RFX7: variants seen among roughly 807,000 people sequenced by gnomAD.
RFX7 encodes DNA-binding protein RFX7.
In RFX7, 26 loss-of-function variants were observed where a neutral mutation model predicts 111.8. The observed-to-expected ratio is 0.23, with a 90% CI of 0.17 to 0.32. The LOEUF (loss-of-function observed/expected upper bound fraction) is 0.32, where lower values mean the gene tolerates loss of function less well. Ranked by LOEUF, RFX7 falls within the 10% of genes least tolerant of loss-of-function variation. The pLI, the probability that RFX7 is intolerant of heterozygous loss-of-function variation, is 1.00. For missense variants in RFX7, 1,573 were observed against 1,772.9 expected (o/e 0.89, Z 2.02); for synonymous variants, 624 against 624.4 (o/e 1.00, Z 0.01).
chr15:56,094,524 C>T lies in RFX7; in HGVS notation c.3204G>A (p.Gly1068=), dbSNP rs772102236. Residue 1068 remains glycine (G), a synonymous_variant, in exon 10 of 10, where the codon GGG becomes GGA. Coordinates refer to ENST00000559447, the MANE Select transcript of RFX7 (RefSeq NM_022841.7). ...CTGATGAATTACCAACCCCACTATA[C>T]CCATTATTCATCCATTCAAGCTTGG... The part of the protein sequence containing the change: ...DKTKLEWMNN[G]YSGVGNSSVS... 1.9e-6 allele frequency: 3 copies of T among 1,613,788 alleles called. No homozygotes were observed. The highest frequency in any genetic ancestry group is 2.5e-6 in the Non-Finnish European group (3 of 1,179,856).
rs1239128942 is a variant in RFX7, at chr15:56,096,640, A to T, written c.1108-20T>A. The stretch of plus-strand genomic sequence containing the variant: ...CTGGACCTGTTAAAAGATAGCAAAA[A>T]ATCAGATTTAACAGGTCTAGCCTGT... On this transcript the variant is annotated intron_variant, in intron 9 of 9. Transcript: ENST00000559447. The T allele has an allele frequency of 5.2e-6, 8 of 1,543,272 alleles. No individual in the cohort carries two copies. The highest frequency in any genetic ancestry group is 6.1e-6 in the Non-Finnish European group (7 of 1,140,788).
chr15:56,136,600 C>G (rs2042306347), intron 5 of RFX7, among the ~76,000 whole-genome samples: 1 of 151,474 alleles, frequency 6.6e-6, no homozygotes, highest in African/African-American at 2.4e-5. Flanking sequence ...TAATTGAATA[C>G]CCTTTATTTC....
At chr15:56,222,564 G>A (rs953621546) in intron 2 of RFX7, among the ~76,000 whole-genome samples, 8 of 151,976 alleles carry the variant, frequency 5.3e-5, no homozygotes, top group Non-Finnish European at 1.2e-4. Flanking sequence ...GTTAACTTCA[G>A]TGAAGTTTTC....
At chr15:56,141,940 G>A (rs1228297612) in intron 5 of RFX7, among the ~76,000 whole-genome samples, 2 of 151,884 alleles carry the variant, frequency 1.3e-5, no homozygotes, top group African/African-American at 4.8e-5. Context: ...TGGTGAGGTA[G>A]TAAGAACTGT....
intron 5 of RFX7, among the ~76,000 whole-genome samples, chr15:56,141,678 C>CATATATATAT (rs1567024637): frequency 3.6e-4 from 19 of 52,522 alleles, no homozygotes; most frequent in South Asian, 6.4e-4. Context: ...TATATATATG[C>CATATATATAT]ATATATGCTG....
At chr15:56,214,779 G>A (rs1285667014) in intron 2 of RFX7, among the ~76,000 whole-genome samples, 2 of 149,626 alleles carry the variant, frequency 1.3e-5, no homozygotes, top group African/African-American at 4.9e-5. Context: ...TTATTTCCAA[G>A]AACCTACTTG....
chr15:56,100,724 T>G (rs1269331475), intron 8 of RFX7, among the ~76,000 whole-genome samples: 1 of 152,192 alleles, frequency 6.6e-6, no homozygotes, highest in Non-Finnish European at 1.5e-5. Flanking sequence ...TCATCAGAAC[T>G]GTTATTTTAC....
intron 5 of RFX7, among the ~76,000 whole-genome samples, chr15:56,111,148 A>T (rs1481806019): frequency 7.1e-6 from 1 of 141,328 alleles, no homozygotes; most frequent in Non-Finnish European, 1.6e-5. Flanking sequence ...TGGGAGGTTT[A>T]CCCAACAGCT....
chr15:56,155,061 G>T (rs1267771151), intron 3 of RFX7, among the ~76,000 whole-genome samples: 1 of 152,254 alleles, frequency 6.6e-6, no homozygotes, highest in South Asian at 2.1e-4. Context: ...AAATGAAAAT[G>T]GGAACCACAA....
chr15:56,197,408 T>A (rs1237632973), intron 2 of RFX7, among the ~76,000 whole-genome samples: 1 of 152,192 alleles, frequency 6.6e-6, no homozygotes, highest in Non-Finnish European at 1.5e-5. Flanking sequence ...GACATGTTTT[T>A]AAAAATCTTC....
At chr15:56,124,345 C>G (rs1486632665) in intron 5 of RFX7, among the ~76,000 whole-genome samples, 1 of 151,888 alleles carries the variant, frequency 6.6e-6, no homozygotes, top group Non-Finnish European at 1.5e-5. Flanking sequence ...TGGTGTGAAC[C>G]CAGGAGGCGG....
intron 5 of RFX7, among the ~76,000 whole-genome samples, chr15:56,141,421 A>G: frequency 6.6e-6 from 1 of 151,782 alleles, no homozygotes; most frequent in Non-Finnish European, 1.5e-5. Context: ...TACATCTTCA[A>G]CTGCCTCATT....
At chr15:56,179,813 C>CACACACACACACA (rs2042948588) in intron 2 of RFX7, among the ~76,000 whole-genome samples, 1 of 138,304 alleles carries the variant, frequency 7.2e-6, no homozygotes, top group Non-Finnish European at 1.6e-5. Context: ...CACACACACA[C>CACACACACACACA]CAGTAACAGG....
At chr15:56,176,344 G>A (rs1372751) in intron 3 of RFX7, among the ~76,000 whole-genome samples, 143,879 of 152,180 alleles carry the variant, frequency 0.95, 68,577 homozygotes, top group East Asian at 1. Context: ...GGACAAACAT[G>A]AAGTGATCCA....
At chr15:56,102,338 G>GA in intron 6 of RFX7, 85 bp from the exon 7 acceptor site, 2 of 707,646 alleles carry the variant, frequency 2.8e-6, no homozygotes, top group Admixed American at 3.3e-5. Context: ...TATATGAAAT[G>GA]AGAAAAAAAA....
chr15:56,233,317 A>G (rs2043588783), intron 2 of RFX7, among the ~76,000 whole-genome samples: 1 of 152,180 alleles, frequency 6.6e-6, no homozygotes. Flanking sequence ...TTATAAAACC[A>G]TCAGATCTCA....
chr15:56,150,613 C>T (rs192386947), intron 3 of RFX7, among the ~76,000 whole-genome samples: 7 of 152,278 alleles, frequency 4.6e-5, no homozygotes, highest in Admixed American at 6.5e-5. Flanking sequence ...TGAGGGAAAA[C>T]CAACGCAAAA....
chr15:56,105,748 A>G (rs544515584), intron 5 of RFX7, among the ~76,000 whole-genome samples: 2 of 152,314 alleles, frequency 1.3e-5, no homozygotes, highest in East Asian at 3.9e-4. Context: ...AAAGTGAGCA[A>G]AATTAATATA....
chr15:56,225,243 A>T (rs1200824492), intron 2 of RFX7, among the ~76,000 whole-genome samples: 2 of 152,142 alleles, frequency 1.3e-5, no homozygotes, highest in African/African-American at 4.8e-5. Flanking sequence ...AGTCATAGCA[A>T]AGATTAACAC....
Sources: gnomAD v4.1 joint callset for allele counts (sites outside exome capture counted in the v4.1 genomes callset) on GRCh38, gnomAD v4.1.1 for gene constraint, MANE v1.5 for transcripts, NCBI Gene and HGNC (gene_info 2026-07-23, HGNC 2026-07-21) for gene names.